Variants in TINAG observed in about 807,000 individuals in gnomAD.
The protein encoded by TINAG is tubulointerstitial nephritis antigen.
TINAG carries 83 observed loss-of-function variants against 72.7 expected under a neutral mutation model. That is an observed-to-expected ratio of 1.14 (90% CI 0.96 to 1.37). The LOEUF (loss-of-function observed/expected upper bound fraction) is 1.37. Ranked by LOEUF, TINAG falls within the 40% of genes most tolerant of loss-of-function variation. The pLI is 0.00. For missense variants in TINAG, 685 were observed against 576.6 expected (o/e 1.19, Z -1.93); for synonymous variants, 234 against 189.9 (o/e 1.23, Z -1.91).
intron 9 of TINAG, among the ~76,000 whole-genome samples, chr6:54,360,841 GTTTTT>G (rs70983415): frequency 1.0e-3 from 27 of 26,244 alleles, no homozygotes; most frequent in African/African-American, 1.9e-3. Context: ...CAGATACTGT[GTTTTT>G]TTTTTTTTTT....
intron 2 of TINAG, among the ~76,000 whole-genome samples, chr6:54,320,846 G>A (rs958463435): frequency 6.6e-6 from 1 of 152,060 alleles, no homozygotes; most frequent in East Asian, 1.9e-4. Context: ...ATCTTTTAAT[G>A]TTTGAGGTTG....
chr6:54,326,105 TTTTG>T (rs1257126908), intron 3 of TINAG, among the ~76,000 whole-genome samples: 21 of 152,098 alleles, frequency 1.4e-4, no homozygotes, highest in African/African-American at 2.6e-4. Flanking sequence ...TAGTAAAAAA[TTTTG>T]TTTGTCTTCA....
chr6:54,308,158 T>C, upstream of TINAG: 1 of 1,538,614 alleles, frequency 6.5e-7, no homozygotes, highest in East Asian at 2.4e-5. Flanking sequence ...CAGTGGTTAT[T>C]ACAGCCATAA....
At chr6:54,372,727 C>CACATAT (rs1367446304) in intron 9 of TINAG, among the ~76,000 whole-genome samples, 18 of 133,950 alleles carry the variant, frequency 1.3e-4, no homozygotes, top group Non-Finnish European at 2.4e-4. Context: ...TAAATACATA[C>CACATAT]ATATATATAT....
At chr6:54,338,433 C>T (rs902005490) in intron 4 of TINAG, among the ~76,000 whole-genome samples, 2 of 151,940 alleles carry the variant, frequency 1.3e-5, no homozygotes, top group African/African-American at 4.8e-5. Context: ...CCATAAAACA[C>T]TAGTTTGGCC....
At chr6:54,318,217 GC>G (rs1434413164) in intron 1 of TINAG, among the ~76,000 whole-genome samples, 5 of 152,108 alleles carry the variant, frequency 3.3e-5, no homozygotes, top group Non-Finnish European at 7.4e-5. Context: ...TCATGCTCCA[GC>G]CTGGGCTTAA....
rs190210705 is a variant in TINAG, at chr6:54,308,931, A to G, written c.355+26A>G. 7.9e-5 allele frequency: 122 copies of G among 1,544,884 alleles called. 1 individual carries two copies. In the African/African-American group the frequency reaches 1.5e-3, roughly 19 times the overall value. On this transcript the variant is annotated intron_variant, in intron 1 of 10. Coordinates refer to ENST00000259782, the MANE Select transcript of TINAG (RefSeq NM_014464.4). The stretch of plus-strand genomic sequence containing the variant: ...GTAGGCTTTGGGAATGTGTTTCAAC[A>G]TCATCCTCGTTCATAACAACAAGAT...
At chr6:54,337,236 T>C (rs536218919) in intron 4 of TINAG, among the ~76,000 whole-genome samples, 2 of 149,182 alleles carry the variant, frequency 1.3e-5, no homozygotes, top group African/African-American at 4.9e-5. Flanking sequence ...CTACTGTTCA[T>C]GGGATTTGAA....
intron 4 of TINAG, among the ~76,000 whole-genome samples, chr6:54,332,651 CAA>C (rs1784768401): frequency 6.6e-6 from 1 of 152,082 alleles, no homozygotes; most frequent in South Asian, 2.1e-4. Flanking sequence ...TTCTGCACAG[CAA>C]AAGAAACTAT....
At chr6:54,312,689 G>A (rs893649782) in intron 1 of TINAG, among the ~76,000 whole-genome samples, 2 of 152,072 alleles carry the variant, frequency 1.3e-5, no homozygotes, top group Non-Finnish European at 2.9e-5. Context: ...ACAGAAAATA[G>A]CATTAATATG....
At position 54,321,316 on chromosome 6, in the gene TINAG, T is replaced by C. The variant is rs202230551; in HGVS notation, c.439T>C (p.Trp147Arg). The C allele has an allele frequency of 3.1e-6, 5 of 1,613,842 alleles. No individual in the cohort carries two copies. Among genetic ancestry groups the C allele is most frequent in the Non-Finnish European group, 4.2e-6 (5 of 1,179,842 alleles). Residue 147 changes from tryptophan to arginine, a missense_variant, in exon 3 of 11, where the codon TGG becomes CGG. Transcript: ENST00000259782. ...TTGCAGCACATGCTCAGGACAGCAA[T>C]GGAAATGTTCCCAGCATGTATGCCT... Reference protein sequence around the residue: ...CNSCTCSGQQWKCSQHVCLVR... With the variant: ...CNSCTCSGQQRKCSQHVCLVR...
At chr6:54,308,020 T>G, upstream of TINAG, 1 of 1,548,406 alleles carries the variant, frequency 6.5e-7, no homozygotes, top group Non-Finnish European at 8.7e-7. Flanking sequence ...CTGGGCATGA[T>G]TTAGAGCAAC....
chr6:54,344,824 G>A (rs1785082772), intron 5 of TINAG, among the ~76,000 whole-genome samples: 1 of 151,974 alleles, frequency 6.6e-6, no homozygotes, highest in South Asian at 2.1e-4. Context: ...TTTGTATCCT[G>A]TGAATTCAGT....
Position 54,385,359 on chromosome 6 carries a change from T to G in TINAG, c.1297-4432T>G, listed in dbSNP as rs146296947. On this transcript the variant is annotated intron_variant, in intron 10 of 10. Coordinates refer to ENST00000259782, the MANE Select transcript of TINAG (RefSeq NM_014464.4). ...TATGAAGTAGGTAATAAGAGGATATTATTAAAAAGTTATGCCAGTATAATT... is the reference window on the plus strand; with the variant it reads ...TATGAAGTAGGTAATAAGAGGATATGATTAAAAAGTTATGCCAGTATAATT... 3.0e-3 allele frequency among the ~76,000 whole-genome samples: 450 copies of G among 152,104 alleles called. 2 individuals carry two copies. The highest frequency in any genetic ancestry group is 9.9e-3 in the African/African-American group (410 of 41,534).
intron 3 of TINAG, among the ~76,000 whole-genome samples, chr6:54,322,354 A>T (rs568498526): frequency 1.3e-5 from 2 of 152,068 alleles, no homozygotes; most frequent in East Asian, 1.9e-4. Flanking sequence ...CAAGAAACAT[A>T]AAAAGATACA....
chr6:54,350,835 T>TA (rs1358626735), intron 7 of TINAG, among the ~76,000 whole-genome samples: 1 of 151,752 alleles, frequency 6.6e-6, no homozygotes, highest in Non-Finnish European at 1.5e-5. Flanking sequence ...AACCAAAATG[T>TA]AAATACCTTG....
intron 9 of TINAG, among the ~76,000 whole-genome samples, chr6:54,372,211 C>T (rs1044032517): frequency 5.3e-5 from 8 of 151,676 alleles, no homozygotes; most frequent in Non-Finnish European, 1.2e-4. Context: ...AGGCTGATCT[C>T]GAACTCCTGA....
In TINAG at chr6:54,354,623, GT is replaced by G; in HGVS notation, c.1238del (p.Val413AlafsTer9). 6.2e-7 allele frequency: 1 copy of G among 1,606,772 alleles called. No homozygotes were observed. Among genetic ancestry groups the G allele is most frequent in the South Asian group, 1.1e-5 (1 of 89,666 alleles). On this transcript the variant is annotated frameshift_variant, in exon 9 of 11. Coordinates refer to ENST00000259782, the MANE Select transcript of TINAG (RefSeq NM_014464.4). LOFTEE classifies it high-confidence loss of function. ...ATATCGAAAGCTTCAGACACATGCA[GT>G]CAAACTCACTGGGTAAGGCAATTAA... is the stretch of plus-strand genomic sequence containing the variant. ...EKYRKLQTHA[V>X]KLTGWGTLRG...
chr6:54,366,145 C>CT (rs1763409642), intron 9 of TINAG, among the ~76,000 whole-genome samples: 1 of 151,546 alleles, frequency 6.6e-6, no homozygotes, highest in African/African-American at 2.4e-5. Context: ...ATTATTATTT[C>CT]ATTTTGCCAG....
Sources: allele counts gnomAD v4.1 joint callset (sites outside exome capture counted in the v4.1 genomes callset), GRCh38; gene constraint gnomAD v4.1.1; transcripts MANE v1.5; gene names NCBI Gene and HGNC (gene_info 2026-07-23, HGNC 2026-07-21).